The following EEPD1 variants were observed in gnomAD, a reference collection of about 807,000 sequenced individuals.
EEPD1 encodes endonuclease/exonuclease/phosphatase family domain containing 1.
Under a neutral mutation model 46.3 loss-of-function variants are expected in EEPD1, and 17 were observed. That is an observed-to-expected ratio of 0.37 (90% CI 0.25 to 0.55). The LOEUF (loss-of-function observed/expected upper bound fraction) is 0.55. Ranked by LOEUF, EEPD1 falls within the 20% of genes least tolerant of loss-of-function variation. The pLI is 0.83. For synonymous variants in EEPD1, 313 were observed against 315.6 expected, an observed-to-expected ratio of 0.99 and a Z score of 0.09; for missense variants, 673 against 745.6, an observed-to-expected ratio of 0.90 and a Z score of 1.13.
At chr7:36,219,196 T>C (rs1786088125) in intron 2 of EEPD1, among the ~76,000 whole-genome samples, 1 of 152,226 alleles carries the variant, frequency 6.6e-6, no homozygotes, top group Non-Finnish European at 1.5e-5. Flanking sequence ...TTGTGGAATG[T>C]AGGCAGTGTG....
chr7:36,289,171 A>G (rs1265749799), intron 6 of EEPD1, among the ~76,000 whole-genome samples: 2 of 152,254 alleles, frequency 1.3e-5, no homozygotes, highest in Non-Finnish European at 2.9e-5. Context: ...TACTGTGGTA[A>G]AATATATGTA....
At chr7:36,196,766 C>T (rs1240472408) in intron 2 of EEPD1, among the ~76,000 whole-genome samples, 1 of 152,196 alleles carries the variant, frequency 6.6e-6, no homozygotes. Flanking sequence ...TCGCTACGGC[C>T]TCCACCTCCC....
At chr7:36,190,850 G>T (rs956984203) in intron 2 of EEPD1, among the ~76,000 whole-genome samples, 3 of 152,190 alleles carry the variant, frequency 2.0e-5, no homozygotes, top group African/African-American at 7.2e-5. Context: ...GGTAAGGGTC[G>T]TTATCCTTCC....
At chr7:36,256,624 T>C (rs1786832092) in intron 3 of EEPD1, among the ~76,000 whole-genome samples, 1 of 152,216 alleles carries the variant, frequency 6.6e-6, no homozygotes, top group South Asian at 2.1e-4. Flanking sequence ...GTCTGTTTTA[T>C]CAGAGACTAG....
intron 2 of EEPD1, among the ~76,000 whole-genome samples, chr7:36,174,028 T>C (rs1217984202): frequency 2.0e-5 from 3 of 152,148 alleles, no homozygotes; most frequent in Non-Finnish European, 2.9e-5. Flanking sequence ...GCTGTGGGAA[T>C]AGTTTATACA....
chr7:36,161,662 A>G (rs1183780254), intron 2 of EEPD1, among the ~76,000 whole-genome samples: 4 of 152,096 alleles, frequency 2.6e-5, no homozygotes, highest in African/African-American at 9.7e-5. Context: ...CCGGTATACA[A>G]ATGCCAAGCT....
chr7:36,259,947 C>T (rs1380642598), intron 3 of EEPD1, among the ~76,000 whole-genome samples: 2 of 152,142 alleles, frequency 1.3e-5, no homozygotes, highest in Non-Finnish European at 2.9e-5. Flanking sequence ...ATTTCATTTA[C>T]TATTTGGTAT....
chr7:36,192,844 T>C (rs1289636066), intron 2 of EEPD1, among the ~76,000 whole-genome samples: 1 of 152,262 alleles, frequency 6.6e-6, no homozygotes, highest in Non-Finnish European at 1.5e-5. Context: ...GGAAGCATTC[T>C]GTCTTCTGTC....
intron 4 of EEPD1, among the ~76,000 whole-genome samples, chr7:36,283,976 C>T (rs990996676): frequency 2.6e-5 from 4 of 152,228 alleles, no homozygotes; most frequent in Non-Finnish European, 5.9e-5. Flanking sequence ...TCTTCTTCCA[C>T]AAGCCCCCAG....
At chr7:36,255,331 G>A (rs1280835223) in intron 3 of EEPD1, among the ~76,000 whole-genome samples, 1 of 152,190 alleles carries the variant, frequency 6.6e-6, no homozygotes, top group Non-Finnish European at 1.5e-5. Context: ...GCAAGGAAGG[G>A]ATCCAGTTTC....
chr7:36,280,614 T>G (rs1306111636), intron 3 of EEPD1, among the ~76,000 whole-genome samples: 4 of 152,192 alleles, frequency 2.6e-5, no homozygotes, highest in Non-Finnish European at 5.9e-5. Flanking sequence ...CAGCAGCAGC[T>G]CTCCGCAGCA....
At position 36,168,736 on chromosome 7, in the gene EEPD1, C is replaced by G. The variant is rs894511981; in HGVS notation, c.878+13534C>G. On this transcript the variant is annotated intron_variant, in intron 2 of 7. Coordinates refer to ENST00000242108, the MANE Select transcript of EEPD1 (RefSeq NM_030636.3). ...TTGTGCCACTGCACTCCAGCCTGGG[C>G]GACAGAGCAAGACTCTGTCTCAAAA... is the stretch of plus-strand genomic sequence containing the variant. Among the ~76,000 whole-genome samples, 4 of 140,556 alleles carry G rather than the reference C, an allele frequency of 2.8e-5. No individual in the cohort carries two copies. In the East Asian group the frequency reaches 8.2e-4, roughly 29 times the overall value. 92.2% of individuals were successfully genotyped at this position (140,556 alleles called of 152,430 possible).
At chr7:36,295,828 C>T (rs1422108962) in intron 6 of EEPD1, among the ~76,000 whole-genome samples, 7 of 151,876 alleles carry the variant, frequency 4.6e-5, no homozygotes, top group Non-Finnish European at 7.4e-5. Flanking sequence ...GTCAGGAGTT[C>T]GAGATCAGCC....
chr7:36,240,845 A>T (rs1786544577), intron 3 of EEPD1, among the ~76,000 whole-genome samples: 1 of 152,230 alleles, frequency 6.6e-6, no homozygotes, highest in African/African-American at 2.4e-5. Context: ...ACCTCAGATC[A>T]TCAGGCATTA....
intron 3 of EEPD1, among the ~76,000 whole-genome samples, chr7:36,263,871 C>T (rs907055707): frequency 1.2e-4 from 19 of 152,256 alleles, no homozygotes; most frequent in Admixed American, 2.6e-4. Flanking sequence ...CATTCTTGTC[C>T]GGCACTTGCT....
rs1786211181 is a variant in EEPD1, at chr7:36,225,086, G to A, written c.879-13899G>A. ...TAGGCTCTCCTCTCGAGCCTCCAGA[G>A]GGAGTGCGGCCATTCCGATAGCTTG... On this transcript the variant is annotated intron_variant, in intron 2 of 7. Transcript: ENST00000242108. The surrounding 1 kb of genome is among the most constrained non-coding windows in gnomAD (Gnocchi z 4.2). 1.3e-5 allele frequency among the ~76,000 whole-genome samples: 2 copies of A among 152,082 alleles called. No homozygotes were observed. Among genetic ancestry groups the A allele is most frequent in the Admixed American group, 1.3e-4 (2 of 15,266 alleles).
chr7:36,242,787 A>G (rs892063259), intron 3 of EEPD1, among the ~76,000 whole-genome samples: 11 of 143,924 alleles, frequency 7.6e-5, no homozygotes, highest in South Asian at 6.7e-4. Flanking sequence ...AAAAAAAAAA[A>G]GCCAGGTGTG....
At chr7:36,192,045 A>C (rs945202067) in intron 2 of EEPD1, among the ~76,000 whole-genome samples, 1 of 152,232 alleles carries the variant, frequency 6.6e-6, no homozygotes, top group African/African-American at 2.4e-5. Context: ...CCATAGGTTA[A>C]AATGTCTCAT....
At chr7:36,194,308 A>G (rs1454870927) in intron 2 of EEPD1, among the ~76,000 whole-genome samples, 1 of 152,208 alleles carries the variant, frequency 6.6e-6, no homozygotes, top group African/African-American at 2.4e-5. Flanking sequence ...CCTTGAATGA[A>G]TGGATGAATG....
Sources: allele counts gnomAD v4.1 joint callset (sites outside exome capture counted in the v4.1 genomes callset), GRCh38; gene constraint gnomAD v4.1.1; non-coding constraint Gnocchi (gnomAD v3.1); transcripts MANE v1.5; gene names NCBI Gene and HGNC (gene_info 2026-07-23, HGNC 2026-07-21).